Variants in LRRIQ1 observed in about 807,000 individuals in gnomAD.
The protein encoded by LRRIQ1 is leucine rich repeats and IQ motif containing 1.
Under a neutral mutation model 211.9 loss-of-function variants are expected in LRRIQ1, and 210 were observed. The observed-to-expected ratio is 0.99, with a 90% CI of 0.89 to 1.11. The LOEUF is 1.11. LRRIQ1 is among the 50% of genes most tolerant of loss of function. LRRIQ1 has a pLI of 0.00. For synonymous variants in LRRIQ1, 699 were observed against 650.1 expected, an observed-to-expected ratio of 1.08 and a Z score of -1.14; for missense variants, 2,136 against 1,939.5, an observed-to-expected ratio of 1.10 and a Z score of -1.90.
chr12:85,115,855 ATATT>A (rs1031841713), intron 15 of LRRIQ1, among the ~76,000 whole-genome samples: 11 of 152,230 alleles, frequency 7.2e-5, no homozygotes, highest in African/African-American at 2.2e-4. Context: ...ATAGTAAAAT[ATATT>A]TATCTGTTCA....
intron 24 of LRRIQ1, among the ~76,000 whole-genome samples, chr12:85,184,711 T>A (rs1480875312): frequency 2.0e-5 from 3 of 151,114 alleles, no homozygotes; most frequent in Non-Finnish European, 3.0e-5. Context: ...GTTTTGATAA[T>A]TTTTTTTTGC....
intron 26 of LRRIQ1, among the ~76,000 whole-genome samples, chr12:85,241,603 C>A (rs888032464): frequency 8.6e-5 from 13 of 151,760 alleles, no homozygotes; most frequent in Non-Finnish European, 1.3e-4. Context: ...AAGCAAGCAG[C>A]AGAAAATATA....
intron 15 of LRRIQ1, among the ~76,000 whole-genome samples, chr12:85,118,499 GTTTT>G (rs71445022): frequency 7.8e-6 from 1 of 127,862 alleles, no homozygotes; most frequent in Non-Finnish European, 1.7e-5. Context: ...GAAAAACTAT[GTTTT>G]TTTTTTTTTT....
At chr12:85,116,061 G>A (rs1237052971) in intron 15 of LRRIQ1, among the ~76,000 whole-genome samples, 4 of 152,136 alleles carry the variant, frequency 2.6e-5, no homozygotes, top group Non-Finnish European at 5.9e-5. Flanking sequence ...AATGTTAACC[G>A]GTGAACAAAT....
chr12:85,264,313 A>G (rs1896378607), exon 2 of LRRIQ1: 2 of 152,088 alleles, frequency 1.3e-5, no homozygotes, highest in South Asian at 4.1e-4. Context: ...GAACTACATC[A>G]AGATCAGCTT....
At chr12:85,185,445 T>TA (rs1408038353) in intron 24 of LRRIQ1, among the ~76,000 whole-genome samples, 11 of 151,900 alleles carry the variant, frequency 7.2e-5, no homozygotes, top group Non-Finnish European at 1.6e-4. Flanking sequence ...GAGAGCCCCT[T>TA]AAAATCATTC....
chr12:85,202,135 C>G (rs1420093625), intron 24 of LRRIQ1, among the ~76,000 whole-genome samples: 1 of 151,938 alleles, frequency 6.6e-6, no homozygotes, highest in Non-Finnish European at 1.5e-5. Context: ...GTGCTATGGT[C>G]TTGATTGTGG....
At chr12:85,257,392 G>A (rs1291147832) in intron 1 of LRRIQ1, among the ~76,000 whole-genome samples, 1 of 149,574 alleles carries the variant, frequency 6.7e-6, no homozygotes, top group Non-Finnish European at 1.5e-5. Flanking sequence ...AATGATTGTG[G>A]AGTTTGGGAA....
chr12:85,187,311 G>C (rs1397452396), intron 24 of LRRIQ1, among the ~76,000 whole-genome samples: 2 of 152,104 alleles, frequency 1.3e-5, no homozygotes, highest in East Asian at 1.9e-4. Context: ...TTTAGACATG[G>C]TTTGGTTATT....
At chr12:85,140,515 G>A (rs1889464620) in intron 19 of LRRIQ1, among the ~76,000 whole-genome samples, 2 of 151,194 alleles carry the variant, frequency 1.3e-5, no homozygotes, top group African/African-American at 4.8e-5. Flanking sequence ...TGAATATACT[G>A]TATACACAAT....
At chr12:85,094,474 A>G (rs934223070) in intron 11 of LRRIQ1, among the ~76,000 whole-genome samples, 1 of 152,034 alleles carries the variant, frequency 6.6e-6, no homozygotes. Context: ...CCATTGGTCT[A>G]TTTGTTTTTG....
chr12:85,066,513 T>G (rs1028245343), intron 9 of LRRIQ1, among the ~76,000 whole-genome samples: 2 of 151,696 alleles, frequency 1.3e-5, no homozygotes, highest in African/African-American at 4.8e-5. Flanking sequence ...TTATCCTCTG[T>G]ATTTTCTGTA....
At chr12:85,060,416 G>T (rs900861009) in intron 8 of LRRIQ1, among the ~76,000 whole-genome samples, 2 of 151,796 alleles carry the variant, frequency 1.3e-5, no homozygotes, top group Middle Eastern at 3.4e-3. Context: ...TGCTACTAAT[G>T]GTAACTTGTA....
At chr12:85,095,826 A>C (rs1192736870) in intron 11 of LRRIQ1, among the ~76,000 whole-genome samples, 3 of 152,102 alleles carry the variant, frequency 2.0e-5, no homozygotes, top group Admixed American at 2.0e-4. Context: ...ATTCAATTTC[A>C]GAACTCCATA....
chr12:85,092,804 C>T (rs1013802947), intron 11 of LRRIQ1, among the ~76,000 whole-genome samples: 57 of 152,164 alleles, frequency 3.7e-4, no homozygotes, highest in African/African-American at 1.3e-3. Flanking sequence ...CCTGCGCCGA[C>T]GGCATCATTC....
intron 11 of LRRIQ1, among the ~76,000 whole-genome samples, chr12:85,098,102 G>A (rs1228203401): frequency 1.3e-5 from 2 of 152,020 alleles, no homozygotes; most frequent in African/African-American, 4.8e-5. Flanking sequence ...CCCAGTGTAT[G>A]CCTTTTAGTA....
At chr12:85,124,026 C>T (rs775733056) in intron 16 of LRRIQ1, 44 bp from the exon 17 acceptor site, 2 of 1,423,204 alleles carry the variant, frequency 1.4e-6, no homozygotes, top group South Asian at 1.2e-5. Context: ...TTAATATTTG[C>T]TGGTACTATT....
chr12:85,263,142 A>G (rs1896346095), exon 2 of LRRIQ1: 1 of 838,772 alleles, frequency 1.2e-6, no homozygotes, highest in Admixed American at 6.2e-5. Flanking sequence ...AACTGGATAC[A>G]AGGTTTTAGA....
At chr12:85,208,662 T>A (rs1893682766) in intron 24 of LRRIQ1, among the ~76,000 whole-genome samples, 1 of 152,018 alleles carries the variant, frequency 6.6e-6, no homozygotes, top group African/African-American at 2.4e-5. Context: ...AAATAGTGAT[T>A]CTAAAAATGA....
Sources: allele counts gnomAD v4.1 joint callset (sites outside exome capture counted in the v4.1 genomes callset), GRCh38; gene constraint gnomAD v4.1.1; transcripts MANE v1.5; gene names NCBI Gene and HGNC (gene_info 2026-07-23, HGNC 2026-07-21).